The following LRIG3 variants were observed in gnomAD, a reference collection of about 807,000 sequenced individuals.
LRIG3 encodes leucine rich repeats and immunoglobulin like domains 3, also known as leucine-rich repeats and immunoglobulin-like domains protein 3.
In LRIG3, 76 loss-of-function variants were observed where a neutral mutation model predicts 114.5. That is an observed-to-expected ratio of 0.66 (90% CI 0.55 to 0.80). The LOEUF (loss-of-function observed/expected upper bound fraction) is 0.80, where lower values mean the gene tolerates loss of function less well. Among genes scored for constraint, LRIG3 ranks in the 30% least tolerant of loss-of-function variants. The probability of loss-of-function intolerance (pLI) is 0.00; values close to 1 mark genes in which losing one functional copy is unlikely to be tolerated. For missense variants in LRIG3, 1,239 were observed against 1,382.8 expected (o/e 0.90, Z 1.65); for synonymous variants, 512 against 519.8 (o/e 0.98, Z 0.20).
At chr12:58,904,302 C>G (rs912872999) in intron 3 of LRIG3, among the ~76,000 whole-genome samples, 1 of 152,098 alleles carries the variant, frequency 6.6e-6, no homozygotes, top group Admixed American at 6.5e-5. Context: ...AGGAGAGAGA[C>G]ACATGTTGAA....
At chr12:58,880,474 G>T in intron 13 of LRIG3, 107 bp downstream of exon 13, 1 of 1,087,500 alleles carries the variant, frequency 9.2e-7, no homozygotes, top group East Asian at 2.5e-5. Context: ...GAGTCAGGTG[G>T]GGAACTGTGA....
At chr12:58,916,571 G>A (rs555144887) in intron 1 of LRIG3, among the ~76,000 whole-genome samples, 2 of 152,154 alleles carry the variant, frequency 1.3e-5, no homozygotes, top group Non-Finnish European at 2.9e-5. Context: ...CAACGTCGAT[G>A]TTTTCTTAAA....
At chr12:58,909,731 C>T (rs1872200296) in intron 3 of LRIG3, among the ~76,000 whole-genome samples, 1 of 152,176 alleles carries the variant, frequency 6.6e-6, no homozygotes, top group Admixed American at 6.5e-5. Flanking sequence ...CAGTAACTTG[C>T]CCAAGGTTAC....
chr12:58,887,793 T>A lies in LRIG3; in HGVS notation c.1087A>T (p.Thr363Ser), dbSNP rs1028649482. 1.2e-6 allele frequency: 2 copies of A among 1,613,314 alleles called. No homozygotes were observed. The highest frequency in any genetic ancestry group is 2.7e-5 in the African/African-American group (2 of 74,838). ...ACAGCAAAACGTGTAACTTACAAAG[T>A]CTTTAAACTGGAAAGCCCCCGGAAG... Reference protein sequence around the residue: ...CAFRGLSSLKTLDLKNNEISW... With the variant: ...CAFRGLSSLKSLDLKNNEISW... Residue 363 changes from threonine (T) to serine (S), a missense_variant, in exon 8 of 19, where the codon ACT becomes TCT. Physicochemically the swap from Thr to Ser is moderately conservative, Grantham distance 58. Coordinates refer to ENST00000320743, the MANE Select transcript of LRIG3 (RefSeq NM_153377.5).
intron 3 of LRIG3, among the ~76,000 whole-genome samples, chr12:58,892,922 T>C (rs766405788): frequency 4.6e-5 from 7 of 152,218 alleles, no homozygotes; most frequent in African/African-American, 1.4e-4. Flanking sequence ...TATGCAGATA[T>C]GTACCTCCCT....
intron 14 of LRIG3, 115 bp from the exon 15 acceptor site, chr12:58,877,967 T>A: frequency 1.0e-6 from 1 of 1,001,220 alleles, no homozygotes; most frequent in Non-Finnish European, 1.4e-6. Flanking sequence ...TCCCACAACT[T>A]ACTGGACACA....
chr12:58,919,306 A>T, intron 1 of LRIG3: 1 of 1,417,614 alleles, frequency 7.1e-7, no homozygotes, highest in Non-Finnish European at 9.6e-7. Context: ...GCTCTCCCCT[A>T]AACCGTCTGG....
chr12:58,917,981 A>G (rs754193057), intron 1 of LRIG3, among the ~76,000 whole-genome samples: 1 of 152,220 alleles, frequency 6.6e-6, no homozygotes, highest in Non-Finnish European at 1.5e-5. Flanking sequence ...AAAAGTGGAA[A>G]GAGGAGACCT....
chr12:58,914,274 A>G lies in LRIG3; in HGVS notation c.299T>C (p.Leu100Pro). 1 of 1,613,970 alleles carries G rather than the reference A, an allele frequency of 6.2e-7. No individual in the cohort carries two copies. The highest frequency in any genetic ancestry group is 8.5e-7 in the Non-Finnish European group (1 of 1,179,890). The change falls in exon 2 of 19, where the codon CTT becomes CCT. Residue 100 changes from leucine to proline, a missense_variant. Coordinates refer to ENST00000320743, the MANE Select transcript of LRIG3 (RefSeq NM_153377.5). ...AATAACGAAGACTCACACTTCTCGA[A>G]GGCTTTGAAGGTGGCTCATGGAACT... ...KASSMSHLQSLREVKLNNNEL... is the reference protein window; with the variant it reads ...KASSMSHLQSPREVKLNNNEL...
rs1592306765 is a variant in LRIG3 at position 58,902,287 on chromosome 12, T to A, written c.384-11491A>T. Among the ~76,000 whole-genome samples the A allele has an allele frequency of 4.6e-5, 7 of 152,006 alleles. No individual in the cohort carries two copies. The South Asian group carries it at 1.5e-3, about 32-fold the overall frequency. Reference sequence around the variant, plus strand: ...TCTTAAAAAAAAAATGTAAAAAAAATGCTCATTTTGATTCTATATCATAAT... The same window carrying A: ...TCTTAAAAAAAAAATGTAAAAAAAAAGCTCATTTTGATTCTATATCATAAT... On this transcript the variant is annotated intron_variant, in intron 3 of 18. Coordinates refer to ENST00000320743, the MANE Select transcript of LRIG3 (RefSeq NM_153377.5).
rs141786355 is a variant in LRIG3, at chr12:58,875,800, G to C, written c.2695+645C>G. ...CACGCCTGTAATCCCAGCACTTTGG[G>C]AGGCTGAGGCAGGCAGATCACCTGA... is the stretch of plus-strand genomic sequence containing the variant. On this transcript the variant is annotated intron_variant, in intron 16 of 18. Coordinates refer to ENST00000320743, the MANE Select transcript of LRIG3 (RefSeq NM_153377.5). Among the ~76,000 whole-genome samples the C allele has an allele frequency of 5.9e-5, 9 of 152,368 alleles. No individual in the cohort carries two copies. The East Asian group carries it at 1.7e-3, about 29-fold the overall frequency.
intron 11 of LRIG3, 141 bp downstream of exon 11, chr12:58,883,379 T>C: frequency 1.8e-6 from 1 of 570,764 alleles, no homozygotes; most frequent in African/African-American, 1.9e-5. Flanking sequence ...ATAAACTCCT[T>C]TTCTGTTGCC....
chr12:58,889,853 G>A (rs1286103999), intron 5 of LRIG3, 143 bp downstream of exon 5: 4 of 1,045,168 alleles, frequency 3.8e-6, no homozygotes, highest in South Asian at 1.8e-5. Context: ...CCAATTTGGA[G>A]ATTCTACAGC....
chr12:58,907,453 A>T (rs1443338039), intron 3 of LRIG3, among the ~76,000 whole-genome samples: 2 of 152,146 alleles, frequency 1.3e-5, no homozygotes, highest in African/African-American at 4.8e-5. Context: ...CTGCCAGGAT[A>T]ATGTTTCTAA....
chr12:58,878,687 T>A, intron 14 of LRIG3, 137 bp downstream of exon 14: 1 of 1,049,732 alleles, frequency 9.5e-7, no homozygotes, highest in African/African-American at 1.6e-5. Context: ...GCCATTTGCA[T>A]TAATACTTTC....
intron 1 of LRIG3, among the ~76,000 whole-genome samples, chr12:58,914,849 G>T (rs754492823): frequency 6.6e-6 from 1 of 152,140 alleles, no homozygotes; most frequent in Non-Finnish European, 1.5e-5. Context: ...GCATTATTTT[G>T]TGTGTGAGTG....
At chr12:58,898,579 T>C (rs1871726513) in intron 3 of LRIG3, among the ~76,000 whole-genome samples, 1 of 152,182 alleles carries the variant, frequency 6.6e-6, no homozygotes, top group African/African-American at 2.4e-5. Context: ...AAACCATGTG[T>C]AAAAGCTGTC....
At chr12:58,913,495 T>C (rs1872358298) in intron 3 of LRIG3, 1 of 152,408 alleles carries the variant, frequency 6.6e-6, no homozygotes, top group South Asian at 2.1e-4. Flanking sequence ...TTTTTTTGAG[T>C]TGATGTCTCT....
intron 3 of LRIG3, among the ~76,000 whole-genome samples, chr12:58,897,943 T>C (rs1215329728): frequency 6.6e-6 from 1 of 152,174 alleles, no homozygotes; most frequent in Non-Finnish European, 1.5e-5. Flanking sequence ...GGAGAGAACC[T>C]CTGATTTATC....
Sources: gnomAD v4.1 joint callset for allele counts (sites outside exome capture counted in the v4.1 genomes callset) on GRCh38, gnomAD v4.1.1 for gene constraint, MANE v1.5 for transcripts, NCBI Gene and HGNC (gene_info 2026-07-23, HGNC 2026-07-21) for gene names.